Variants in SPATA6 observed in about 807,000 individuals in gnomAD.
SPATA6 encodes spermatogenesis associated 6, also known as spermatogenesis-associated protein 6.
In SPATA6, 56 loss-of-function variants were observed where a neutral mutation model predicts 65.3. That is an observed-to-expected ratio of 0.86 (90% CI 0.69 to 1.07). The LOEUF is 1.07. Among genes scored for constraint, SPATA6 ranks in the 50% least tolerant of loss-of-function variants. The pLI is 0.00. For synonymous variants in SPATA6, 199 were observed against 213.2 expected (o/e 0.93, Z 0.58); for missense variants, 590 against 594.8 (o/e 0.99, Z 0.08).
At chr1:48,294,374 GCTGT>G (rs1332898611), downstream of SPATA6, among the ~76,000 whole-genome samples, 2 of 152,158 alleles carry the variant, frequency 1.3e-5, no homozygotes, top group Non-Finnish European at 2.9e-5. Flanking sequence ...ACTGCATCCG[GCTGT>G]CTATCTTATT....
chr1:48,276,421 A>G, the SPATA6 span, among the ~76,000 whole-genome samples: 1 of 152,008 alleles, frequency 6.6e-6, no homozygotes, highest in African/African-American at 2.4e-5. Flanking sequence ...TTTAATTATG[A>G]TGTCAGGGTG....
chr1:48,360,334 T>C (rs2148818521), intron 9 of SPATA6, among the ~76,000 whole-genome samples: 1 of 152,070 alleles, frequency 6.6e-6, no homozygotes, highest in East Asian at 1.9e-4. Flanking sequence ...TGTTACAGGA[T>C]ATTAAGTAAC....
At chr1:48,363,467 T>C (rs1646881309) in intron 9 of SPATA6, among the ~76,000 whole-genome samples, 1 of 152,086 alleles carries the variant, frequency 6.6e-6, no homozygotes, top group Non-Finnish European at 1.5e-5. Flanking sequence ...TCCTTACCTA[T>C]GAACTGAAAA....
intron 11 of SPATA6, among the ~76,000 whole-genome samples, chr1:48,355,284 C>T (rs544576943): frequency 2.0e-5 from 3 of 152,224 alleles, no homozygotes; most frequent in South Asian, 2.1e-4. Flanking sequence ...ACATACCTCT[C>T]CTACCCACTC....
intron 9 of SPATA6, among the ~76,000 whole-genome samples, chr1:48,373,246 T>C (rs1404208995): frequency 6.6e-6 from 1 of 152,250 alleles, no homozygotes; most frequent in Non-Finnish European, 1.5e-5. Flanking sequence ...GCTTAGAAGT[T>C]TATTCTGCCA....
chr1:48,286,454 C>T, the SPATA6 span, among the ~76,000 whole-genome samples: 1 of 151,776 alleles, frequency 6.6e-6, no homozygotes, highest in Non-Finnish European at 1.5e-5. Flanking sequence ...TTTATATTTC[C>T]CTTTCAGATA....
At chr1:48,314,550 C>T (rs550558254) in intron 11 of SPATA6, among the ~76,000 whole-genome samples, 35 of 152,106 alleles carry the variant, frequency 2.3e-4, no homozygotes, top group East Asian at 3.9e-4. Context: ...CACTGTGTAG[C>T]GGGAAATTTA....
At chr1:48,463,197 C>G (rs1657574820) in intron 1 of SPATA6, among the ~76,000 whole-genome samples, 1 of 152,166 alleles carries the variant, frequency 6.6e-6, no homozygotes, top group Non-Finnish European at 1.5e-5. Flanking sequence ...GTGAGCCAAT[C>G]CCCATAATAA....
At chr1:48,281,009 G>C in the SPATA6 span, among the ~76,000 whole-genome samples, 1 of 151,824 alleles carries the variant, frequency 6.6e-6, no homozygotes, top group Non-Finnish European at 1.5e-5. Context: ...TTCATCCCTG[G>C]GATGCAAGGC....
chr1:48,323,606 C>A (rs1645665380), intron 11 of SPATA6, among the ~76,000 whole-genome samples: 1 of 137,936 alleles, frequency 7.2e-6, no homozygotes. Context: ...AACCTTTAGC[C>A]ACAACAACAG....
In SPATA6 at chr1:48,442,182, A is replaced by ACTTAC. The variant is rs539382888; in HGVS notation, c.238+9369_238+9370insGTAAG. 4.9e-3 allele frequency among the ~76,000 whole-genome samples: 746 copies of ACTTAC among 152,366 alleles called. 2 individuals carry two copies. The highest frequency in any genetic ancestry group is 7.8e-3 in the Non-Finnish European group (532 of 68,032). ...AGTTAGTGATGTAACAGTACTTGAA[A>ACTTAC]GTAAGCCTCTTCCCCCAGGGACTGG... On this transcript the variant is annotated intron_variant, in intron 3 of 12. Coordinates refer to ENST00000371847, the MANE Select transcript of SPATA6 (RefSeq NM_019073.4).
At chr1:48,337,433 T>C (rs1646090392) in intron 11 of SPATA6, among the ~76,000 whole-genome samples, 1 of 151,856 alleles carries the variant, frequency 6.6e-6, no homozygotes, top group African/African-American at 2.4e-5. Flanking sequence ...TTTCAAATTA[T>C]AAAAACCTTT....
chr1:48,342,989 A>G (rs1274341675), intron 11 of SPATA6, among the ~76,000 whole-genome samples: 8 of 152,326 alleles, frequency 5.3e-5, no homozygotes, highest in South Asian at 4.1e-4. Flanking sequence ...TAATAAGATA[A>G]AGTTGGTATC....
intron 1 of SPATA6, among the ~76,000 whole-genome samples, chr1:48,463,050 C>T (rs923912609): frequency 6.6e-6 from 1 of 152,132 alleles, no homozygotes; most frequent in African/African-American, 2.4e-5. Flanking sequence ...AGGTTCTCAA[C>T]CCCTCAGACT....
chr1:48,406,576 G>C (rs1651728422), intron 5 of SPATA6, among the ~76,000 whole-genome samples: 1 of 152,070 alleles, frequency 6.6e-6, no homozygotes, highest in East Asian at 1.9e-4. Flanking sequence ...ACCTACTCCA[G>C]GCAAGGTACT....
At chr1:48,295,345 A>G (rs577654449), downstream of SPATA6, 1 of 152,322 alleles carries the variant, frequency 6.6e-6, no homozygotes, top group African/African-American at 2.4e-5. Flanking sequence ...CAAAATATCT[A>G]TCAATTGAAT....
At chr1:48,274,626 C>T in the SPATA6 span, among the ~76,000 whole-genome samples, 1 of 152,074 alleles carries the variant, frequency 6.6e-6, no homozygotes, top group South Asian at 2.1e-4. Flanking sequence ...GTTTTTGTCA[C>T]GTTTTCAAAG....
the SPATA6 span, among the ~76,000 whole-genome samples, chr1:48,275,967 CTTT>C: frequency 6.6e-6 from 1 of 150,574 alleles, no homozygotes; most frequent in Non-Finnish European, 1.5e-5. Context: ...TGGTCCTGGG[CTTT>C]TTTTTTATTG....
chr1:48,422,250 T>C (rs1653415497), intron 3 of SPATA6, among the ~76,000 whole-genome samples: 1 of 152,220 alleles, frequency 6.6e-6, no homozygotes, highest in Admixed American at 6.5e-5. Flanking sequence ...AATCTGCCTG[T>C]ATTCACAGAG....
Sources: allele counts gnomAD v4.1 joint callset (sites outside exome capture counted in the v4.1 genomes callset), GRCh38; gene constraint gnomAD v4.1.1; transcripts MANE v1.5; gene names NCBI Gene and HGNC (gene_info 2026-07-23, HGNC 2026-07-21).